DYSF: variants seen among roughly 807,000 people sequenced by gnomAD.
The protein encoded by DYSF is dysferlin.
DYSF carries 212 observed loss-of-function variants against 274.9 expected under a neutral mutation model. The observed-to-expected ratio is 0.77, with a 90% CI of 0.69 to 0.86. The LOEUF (loss-of-function observed/expected upper bound fraction) is 0.86. Ranked by LOEUF, DYSF falls within the 40% of genes least tolerant of loss-of-function variation. The pLI is 0.00. For synonymous variants in DYSF, 1,091 were observed against 1,078.7 expected, an observed-to-expected ratio of 1.01 and a Z score of -0.22; for missense variants, 2,666 against 2,783.2, an observed-to-expected ratio of 0.96 and a Z score of 0.95.
intron 8 of DYSF, 34 bp downstream of exon 8, chr2:71,515,785 G>T (rs1441396790): frequency 6.2e-7 from 1 of 1,613,314 alleles, no homozygotes; most frequent in Non-Finnish European, 8.5e-7. Flanking sequence ...CCAGAACCTT[G>T]GTGGGCCTTC....
rs557905601 is a variant in DYSF at position 71,480,504 on chromosome 2, T to C, written c.92-379T>C. Among the ~76,000 whole-genome samples the C allele has an allele frequency of 1.7e-4, 26 of 152,220 alleles. No individual in the cohort carries two copies. The Middle Eastern group carries it at 0.01, about 60-fold the overall frequency. On this transcript the variant is annotated intron_variant, in intron 1 of 55. Transcript: ENST00000410020. The stretch of plus-strand genomic sequence containing the variant: ...AGGAGTTTGAGGCTGCAGTGAGCTA[T>C]GATCTCACCATCGCACTCCAGCCTG...
chr2:71,610,968 C>T (rs1038021903), intron 36 of DYSF: 7 of 492,656 alleles, frequency 1.4e-5, no homozygotes, highest in African/African-American at 2.0e-5. Flanking sequence ...GCATCAGAGC[C>T]TGCATTATGG....
intron 5 of DYSF, among the ~76,000 whole-genome samples, chr2:71,512,324 C>T (rs76812407): frequency 0.031 from 4,655 of 152,302 alleles, 124 homozygotes; most frequent in Non-Finnish European, 0.037. Flanking sequence ...CCTCAGCACC[C>T]AGCAGGCCTT....
intron 55 of DYSF, among the ~76,000 whole-genome samples, chr2:71,683,611 C>T (rs751110941): frequency 2.2e-4 from 33 of 152,346 alleles, no homozygotes; most frequent in Non-Finnish European, 3.8e-4. Context: ...GTGGCAAAGA[C>T]GCAAACACCC....
chr2:71,478,261 G>C (rs2082558365), intron 1 of DYSF, among the ~76,000 whole-genome samples: 1 of 150,464 alleles, frequency 6.6e-6, no homozygotes, highest in Admixed American at 6.6e-5. Flanking sequence ...GCCCAGGCTG[G>C]AGTGCAGTGG....
At chr2:71,644,094 G>A in intron 42 of DYSF, 31 bp downstream of exon 42, 2 of 1,560,806 alleles carry the variant, frequency 1.3e-6, no homozygotes, top group Non-Finnish European at 1.8e-6. Context: ...GACAGTCGGT[G>A]TGTGTGTGCG....
chr2:71,626,982 A>G (rs993242613), intron 41 of DYSF, among the ~76,000 whole-genome samples: 1 of 151,482 alleles, frequency 6.6e-6, no homozygotes, highest in African/African-American at 2.4e-5. Context: ...TAATTTTTCA[A>G]AAAGAATTTC....
chr2:71,463,538 TC>T (rs1431676147), upstream of DYSF, among the ~76,000 whole-genome samples: 1 of 152,194 alleles, frequency 6.6e-6, no homozygotes, highest in Non-Finnish European at 1.5e-5. Flanking sequence ...GGCCAGACTC[TC>T]CACTGCAGCC....
chr2:71,642,840 A>G (rs1192680127), intron 41 of DYSF, among the ~76,000 whole-genome samples: 1 of 152,204 alleles, frequency 6.6e-6, no homozygotes, highest in Non-Finnish European at 1.5e-5. Flanking sequence ...ACTTGGCTTT[A>G]GTTTGAAGGG....
intron 10 of DYSF, 45 bp downstream of exon 10, chr2:71,517,084 G>T (rs747009076): frequency 2.5e-6 from 4 of 1,580,992 alleles, no homozygotes; most frequent in Non-Finnish European, 3.5e-6. Flanking sequence ...TCACTTCTCC[G>T]TGTTGGTGGA....
intron 35 of DYSF, 141 bp downstream of exon 35, chr2:71,601,669 G>T: frequency 8.8e-7 from 1 of 1,139,832 alleles, no homozygotes. Flanking sequence ...AAGCAGAGGA[G>T]GGCCCGGGCT....
chr2:71,504,282 T>A (rs532061686), intron 4 of DYSF, among the ~76,000 whole-genome samples: 4 of 151,928 alleles, frequency 2.6e-5, no homozygotes, highest in Non-Finnish European at 5.9e-5. Context: ...TTCACTGAAC[T>A]CTCAGTCTGC....
chr2:71,550,156 T>C (rs2090828362), intron 17 of DYSF, among the ~76,000 whole-genome samples: 1 of 152,258 alleles, frequency 6.6e-6, no homozygotes, highest in African/African-American at 2.4e-5. Context: ...TCTCTGGCCC[T>C]GCTTTCTACC....
In DYSF at chr2:71,612,770, T is replaced by C; in HGVS notation, c.4351T>C (p.Tyr1451His). The C allele has an allele frequency of 3.1e-6, 5 of 1,613,984 alleles. No individual in the cohort carries two copies. Among genetic ancestry groups the C allele is most frequent in the Non-Finnish European group, 4.2e-6 (5 of 1,179,902 alleles). The change falls in exon 39 of 56, where the codon TAC (tyrosine) becomes CAC (histidine). Residue 1451 changes from tyrosine to histidine, a missense_variant. Around this residue, in one of 3 missense-constraint regions of DYSF, gnomAD observed 1,460 missense variants for 1,502.1 expected, o/e 0.97. Coordinates refer to ENST00000410020, the MANE Select transcript of DYSF (RefSeq NM_001130987.2). ...RSLESFLCDP[Y>H]SAESPSPQGG... ...CCTGGAGAGCTTCCTGTGTGACCCCTACTCGGCGGAGAGTCCATCCCCACA... is the reference window on the plus strand; with the variant it reads ...CCTGGAGAGCTTCCTGTGTGACCCCCACTCGGCGGAGAGTCCATCCCCACA...
chr2:71,654,273 A>C lies in DYSF; in HGVS notation c.4627-1889A>C, dbSNP rs145399296. On this transcript the variant is annotated intron_variant, in intron 42 of 55. Transcript: ENST00000410020. ...TGTACAGTGATGGTGAAAGGCTGGG[A>C]GTGTGGGCACACTTGAACACTGTAG... 1.4e-4 allele frequency among the ~76,000 whole-genome samples: 21 copies of C among 152,360 alleles called. No homozygotes were observed. The East Asian group carries it at 3.9e-3, about 28-fold the overall frequency.
chr2:71,643,816 A>G (rs1287477036), intron 41 of DYSF, 149 bp from the exon 42 acceptor site: 2 of 711,892 alleles, frequency 2.8e-6, no homozygotes, highest in East Asian at 2.7e-5. Context: ...GGAGAGGCGG[A>G]GGTTTCCTCT....
intron 23 of DYSF, 67 bp from the exon 24 acceptor site, chr2:71,563,991 C>G: frequency 1.2e-6 from 2 of 1,605,724 alleles, no homozygotes; most frequent in Non-Finnish European, 1.7e-6. Context: ...GGTCAGCTCA[C>G]GGTGTGGCTG....
intron 30 of DYSF, among the ~76,000 whole-genome samples, chr2:71,579,481 G>A (rs553308906): frequency 3.3e-5 from 5 of 152,286 alleles, no homozygotes; most frequent in South Asian, 2.1e-4. Flanking sequence ...GCATGTGTAC[G>A]CACGCATGTA....
intron 30 of DYSF, among the ~76,000 whole-genome samples, chr2:71,585,191 G>A (rs72827568): frequency 0.021 from 3,157 of 152,312 alleles, 46 homozygotes; most frequent in Non-Finnish European, 0.024. Context: ...AACATCCTAC[G>A]ACGCACAGGA....
Sources: gnomAD v4.1 joint callset for allele counts (sites outside exome capture counted in the v4.1 genomes callset) on GRCh38, gnomAD v4.1.1 for gene constraint, gnomAD v4.1.1 regional missense constraint, MANE v1.5 for transcripts, NCBI Gene and HGNC (gene_info 2026-07-23, HGNC 2026-07-21) for gene names.